ZCCHC14: variants seen among roughly 807,000 people sequenced by gnomAD.
ZCCHC14 encodes zinc finger CCHC domain-containing protein 14.
ZCCHC14 carries 16 observed loss-of-function variants against 85.0 expected under a neutral mutation model. That is an observed-to-expected ratio of 0.19 (90% confidence interval 0.13 to 0.29). The LOEUF is 0.29. Among genes scored for constraint, ZCCHC14 ranks in the 10% least tolerant of loss-of-function variants. The pLI is 1.00. For missense variants in ZCCHC14, 1,303 were observed against 1,443.5 expected, an observed-to-expected ratio of 0.90 and a Z score of 1.58; for synonymous variants, 775 against 630.7, an observed-to-expected ratio of 1.23 and a Z score of -3.43.
chr16:87,420,812 G>A lies in ZCCHC14; in HGVS notation c.841-96C>T. On this transcript the variant is annotated intron_variant, in intron 4 of 12. Transcript: ENST00000671377. The surrounding 1 kb of genome is among the most constrained non-coding windows in gnomAD (Gnocchi z 5.0). ...GGAAAACCTGGGGCAGGTGCTCCAT[G>A]GTGCCGCCTGCTGGTCTGATATGAT... 1.0e-6 allele frequency: 1 copy of A among 968,848 alleles called. No individual in the cohort carries two copies. The highest frequency in any genetic ancestry group is 1.5e-6 in the Non-Finnish European group (1 of 650,596). The allele number at this position is 968,848 out of a possible 1,614,324, so 60.0% of individuals were successfully genotyped here.
chr16:87,426,178 C>G (rs1200951007), intron 3 of ZCCHC14, among the ~76,000 whole-genome samples: 2 of 152,210 alleles, frequency 1.3e-5, no homozygotes, highest in African/African-American at 4.8e-5. Context: ...GATCCAGACC[C>G]AGCCAAGCCC....
At chr16:87,453,395 C>G (rs1910801855) in intron 2 of ZCCHC14, among the ~76,000 whole-genome samples, 1 of 152,262 alleles carries the variant, frequency 6.6e-6, no homozygotes, top group African/African-American at 2.4e-5. Context: ...GGCCGCAGAA[C>G]ATGGGAGGGT....
intron 4 of ZCCHC14, among the ~76,000 whole-genome samples, chr16:87,421,299 C>A (rs2150729205): frequency 6.6e-6 from 1 of 152,278 alleles, no homozygotes; most frequent in African/African-American, 2.4e-5. Flanking sequence ...GCAGGAGGGA[C>A]AAAAATTGCT....
At chr16:87,486,814 A>T (rs1220271325) in intron 1 of ZCCHC14, among the ~76,000 whole-genome samples, 1 of 152,246 alleles carries the variant, frequency 6.6e-6, no homozygotes, top group Non-Finnish European at 1.5e-5. Context: ...GGCGGTTCCC[A>T]GCTGCCCAGG....
intron 2 of ZCCHC14, among the ~76,000 whole-genome samples, chr16:87,445,587 G>C (rs148457970): frequency 6.6e-5 from 10 of 152,272 alleles, no homozygotes; most frequent in African/African-American, 2.2e-4. Context: ...GGTTTTAACA[G>C]GCCACCATGT....
Position 87,412,639 on chromosome 16 carries a change from G to T in ZCCHC14, c.2082C>A (p.Ser694Arg), listed in dbSNP as rs771765194. 12 of 1,614,088 alleles carry T rather than the reference G, an allele frequency of 7.4e-6. No homozygotes were observed. Among genetic ancestry groups the T allele is most frequent in the African/African-American group, 1.3e-5 (1 of 74,942 alleles). The stretch of plus-strand genomic sequence containing the variant: ...ACGCGGGCAGCACGTCCATCATGGC[G>T]CTGCCAAAGCTCTTGTCCACTTTCA... The part of the protein sequence containing the change: ...SSMKVDKSFG[S>R]AMMDVLPASA... The change falls in exon 12 of 13, where the codon AGC becomes AGA. Residue 694 changes from serine (S) to arginine (R), a missense_variant. Coordinates refer to ENST00000671377, the MANE Select transcript of ZCCHC14 (RefSeq NM_015144.3).
chr16:87,466,430 C>T lies in ZCCHC14; in HGVS notation c.571-6299G>A, dbSNP rs148614984. Among the ~76,000 whole-genome samples, 25 of 152,306 alleles carry T rather than the reference C, an allele frequency of 1.6e-4. No individual in the cohort carries two copies. The East Asian group carries it at 4.3e-3, about 26-fold the overall frequency. ...GGCATTTGAAAACTGCTCAGAAAAA[C>T]GGCAGTGAGCTTTTAGAGCAGGGTT... On this transcript the variant is annotated intron_variant, in intron 1 of 12. Coordinates refer to ENST00000671377, the MANE Select transcript of ZCCHC14 (RefSeq NM_015144.3).
intron 2 of ZCCHC14, among the ~76,000 whole-genome samples, chr16:87,447,192 A>G (rs1024997691): frequency 2.0e-5 from 3 of 151,848 alleles, no homozygotes; most frequent in African/African-American, 7.3e-5. Flanking sequence ...GGCGGAAGAA[A>G]CAGACCTCAC....
At chr16:87,413,325 C>T (rs998779054) in intron 10 of ZCCHC14, 130 bp from the exon 11 acceptor site, 15 of 1,322,258 alleles carry the variant, frequency 1.1e-5, no homozygotes, top group Middle Eastern at 2.7e-4. Context: ...AGTCAGAAAA[C>T]GAACACGCCG....
intron 2 of ZCCHC14, among the ~76,000 whole-genome samples, chr16:87,450,634 G>A (rs558276702): frequency 6.8e-6 from 1 of 146,462 alleles, no homozygotes; most frequent in African/African-American, 2.5e-5. Flanking sequence ...GTAATGGCAT[G>A]ATCTCGGCTC....
intron 2 of ZCCHC14, among the ~76,000 whole-genome samples, chr16:87,438,300 T>C (rs979308939): frequency 2.6e-5 from 4 of 152,272 alleles, no homozygotes; most frequent in African/African-American, 9.6e-5. Context: ...CTCATTTATT[T>C]GGATATTTTC....
intron 1 of ZCCHC14, among the ~76,000 whole-genome samples, chr16:87,462,775 C>G (rs1179021007): frequency 6.9e-6 from 1 of 145,364 alleles, no homozygotes; most frequent in Non-Finnish European, 1.5e-5. Context: ...AGAAAAAAAA[C>G]AAACACGGCC....
At chr16:87,419,025 C>T (rs1455569107) in intron 6 of ZCCHC14, 124 bp from the exon 7 acceptor site, 26 of 841,608 alleles carry the variant, frequency 3.1e-5, no homozygotes, top group South Asian at 8.3e-5. Context: ...GGTGCGATCT[C>T]GGCTCACTGC....
chr16:87,475,688 T>TA (rs1216637997), intron 1 of ZCCHC14, among the ~76,000 whole-genome samples: 1 of 149,728 alleles, frequency 6.7e-6, no homozygotes, highest in African/African-American at 2.5e-5. Context: ...GATGGATCAA[T>TA]AAAAAGTATC....
chr16:87,484,178 T>C (rs1208681607), intron 1 of ZCCHC14, among the ~76,000 whole-genome samples: 2 of 152,134 alleles, frequency 1.3e-5, no homozygotes, highest in African/African-American at 4.8e-5. Context: ...GTAAGAAACA[T>C]GTTTTTTACA....
At chr16:87,475,314 G>C (rs1291964548) in intron 1 of ZCCHC14, among the ~76,000 whole-genome samples, 1 of 152,140 alleles carries the variant, frequency 6.6e-6, no homozygotes, top group Non-Finnish European at 1.5e-5. Context: ...CACTTAGGGA[G>C]GCCAAGGCAG....
At chr16:87,463,279 G>A (rs367635154) in intron 1 of ZCCHC14, among the ~76,000 whole-genome samples, 4 of 152,242 alleles carry the variant, frequency 2.6e-5, no homozygotes, top group African/African-American at 9.6e-5. Flanking sequence ...CTACTTGGGA[G>A]GCTAAGGTGG....
intron 2 of ZCCHC14, among the ~76,000 whole-genome samples, chr16:87,449,820 G>A (rs1025407724): frequency 6.6e-6 from 1 of 152,158 alleles, no homozygotes; most frequent in African/African-American, 2.4e-5. Flanking sequence ...CGAGGTGGGT[G>A]GATGGCTTGA....
rs1029267532 is a variant in ZCCHC14 at position 87,492,209 on chromosome 16, C to T, written c.30G>A (p.Arg10=). 3.8e-5 allele frequency: 37 copies of T among 984,680 alleles called. No individual in the cohort carries two copies. Among genetic ancestry groups the T allele is most frequent in the Non-Finnish European group, 4.5e-5 (37 of 829,766 alleles). The allele number at this position is 984,680 out of a possible 1,614,324, so 61.0% of individuals were successfully genotyped here. A position where few individuals can be genotyped will look rare whatever the true frequency, so the allele number is the denominator to read the frequency against. The change falls in exon 1 of 13, where the codon AGG becomes AGA. Residue 10 remains arginine (R), a synonymous_variant. Transcript: ENST00000671377. The surrounding 1 kb of genome is among the most constrained non-coding windows in gnomAD (Gnocchi z 6.7). ...CCGAGAACCAGCGGTACACGCCGTC[C>T]CTCTGCAGCGGGCAGCGCTTCTCCA... The part of the protein sequence containing the change: MVEKRCPLQ[R]DGVYRWFSEL...
Sources: gnomAD v4.1 joint callset for allele counts (sites outside exome capture counted in the v4.1 genomes callset) on GRCh38, gnomAD v4.1.1 for gene constraint, Gnocchi (gnomAD v3.1) non-coding constraint, MANE v1.5 for transcripts, NCBI Gene and HGNC (gene_info 2026-07-23, HGNC 2026-07-21) for gene names.